The following STARD13 variants were observed in gnomAD, a reference collection of about 807,000 sequenced individuals.
STARD13 encodes the protein stAR-related lipid transfer protein 13.
In STARD13, 62 loss-of-function variants were observed where a neutral mutation model predicts 106.4. That is an observed-to-expected ratio of 0.58 (90% CI 0.48 to 0.72). STARD13 has a LOEUF of 0.72. Ranked by LOEUF, STARD13 falls within the 30% of genes least tolerant of loss-of-function variation. The pLI, the probability that STARD13 is intolerant of heterozygous loss-of-function variation, is 0.00. For synonymous variants in STARD13, 565 were observed against 553.0 expected (o/e 1.02, Z -0.31); for missense variants, 1,387 against 1,424.0 (o/e 0.97, Z 0.42).
At chr13:33,499,645 T>C in the STARD13 span, among the ~76,000 whole-genome samples, 10 of 131,178 alleles carry the variant, frequency 7.6e-5, no homozygotes, top group South Asian at 2.3e-4. Flanking sequence ...TTCTTCTTCT[T>C]CTCCTTCTTC....
chr13:33,160,858 G>A (rs1037085753), intron 3 of STARD13, among the ~76,000 whole-genome samples: 1 of 152,148 alleles, frequency 6.6e-6, no homozygotes, highest in Non-Finnish European at 1.5e-5. Flanking sequence ...AAAATTTGGT[G>A]GTTAATTATA....
chr13:33,433,612 A>T, the STARD13 span, among the ~76,000 whole-genome samples: 1 of 152,194 alleles, frequency 6.6e-6, no homozygotes, highest in African/African-American at 2.4e-5. Context: ...TAAAACAGAG[A>T]TCAGACCTCT....
chr13:33,389,575 C>T, the STARD13 span, among the ~76,000 whole-genome samples: 17 of 152,012 alleles, frequency 1.1e-4, no homozygotes, highest in Admixed American at 8.5e-4. Flanking sequence ...TTTTTTCTAT[C>T]GTAAACTACA....
At chr13:33,407,463 T>G in the STARD13 span, among the ~76,000 whole-genome samples, 2 of 152,224 alleles carry the variant, frequency 1.3e-5, no homozygotes, top group Admixed American at 6.5e-5. Flanking sequence ...TTTTGCATTT[T>G]GGGTTTTGGC....
the STARD13 span, among the ~76,000 whole-genome samples, chr13:33,511,687 G>GT: frequency 0.012 from 1,794 of 152,246 alleles, 36 homozygotes; most frequent in African/African-American, 0.039. Flanking sequence ...CCTAGGCGGA[G>GT]TCTCCCCACT....
chr13:33,313,248 A>C (rs1893209266), intron 1 of STARD13, among the ~76,000 whole-genome samples: 1 of 152,326 alleles, frequency 6.6e-6, no homozygotes, highest in South Asian at 2.1e-4. Flanking sequence ...AATGAAAAAA[A>C]TGTGTTATCC....
At chr13:33,661,770 T>C in the STARD13 span, among the ~76,000 whole-genome samples, 1 of 152,074 alleles carries the variant, frequency 6.6e-6, no homozygotes, top group Non-Finnish European at 1.5e-5. Flanking sequence ...ATGGGGATTG[T>C]TACAATTCAA....
At chr13:33,439,679 A>G in the STARD13 span, 4 of 1,257,562 alleles carry the variant, frequency 3.2e-6, no homozygotes, top group Non-Finnish European at 4.2e-6. Context: ...ACATTTTCTC[A>G]GGGAGACTTA....
At chr13:33,359,468 G>A in the STARD13 span, 726 of 177,262 alleles carry the variant, frequency 4.1e-3, 4 homozygotes, top group African/African-American at 0.017. Flanking sequence ...CACTCACCGC[G>A]AGGGTCCACG....
At chr13:33,125,884 T>C (rs1201999944) in intron 7 of STARD13, among the ~76,000 whole-genome samples, 197 bp downstream of exon 7, 2 of 152,186 alleles carry the variant, frequency 1.3e-5, no homozygotes, top group Non-Finnish European at 2.9e-5. Context: ...TCATTTAAGT[T>C]GCCAATGAGG....
At chr13:33,620,700 A>G in the STARD13 span, among the ~76,000 whole-genome samples, 1 of 151,418 alleles carries the variant, frequency 6.6e-6, no homozygotes, top group Non-Finnish European at 1.5e-5. Context: ...ATGACAATAA[A>G]ATATATAAAT....
At chr13:33,529,250 T>G in the STARD13 span, among the ~76,000 whole-genome samples, 156 of 152,294 alleles carry the variant, frequency 1.0e-3, 1 homozygote, top group African/African-American at 3.6e-3. Context: ...TGATGTGATC[T>G]GTTGAAGATG....
At chr13:33,351,789 A>G (rs1316695155), upstream of STARD13, among the ~76,000 whole-genome samples, 1 of 152,238 alleles carries the variant, frequency 6.6e-6, no homozygotes, top group African/African-American at 2.4e-5. Flanking sequence ...CAGGTGCTCC[A>G]CAGGAAGTTT....
the STARD13 span, among the ~76,000 whole-genome samples, chr13:33,435,966 C>T: frequency 6.6e-6 from 1 of 152,130 alleles, no homozygotes; most frequent in East Asian, 1.9e-4. Flanking sequence ...TTGGCTAGTA[C>T]TTTTGATTTC....
intron 1 of STARD13, among the ~76,000 whole-genome samples, chr13:33,305,616 C>G (rs1209134255): frequency 1.3e-5 from 2 of 152,180 alleles, no homozygotes; most frequent in African/African-American, 4.8e-5. Context: ...CATATTAAAG[C>G]ACAGGGTTCT....
the STARD13 span, among the ~76,000 whole-genome samples, chr13:33,373,575 C>T: frequency 6.6e-6 from 1 of 151,928 alleles, no homozygotes; most frequent in East Asian, 1.9e-4. Flanking sequence ...ATATTCAGCA[C>T]ATATAAAGAA....
At chr13:33,623,652 T>A in the STARD13 span, among the ~76,000 whole-genome samples, 3 of 152,158 alleles carry the variant, frequency 2.0e-5, no homozygotes, top group Non-Finnish European at 2.9e-5. Context: ...TACCTGTCTA[T>A]ATACTAAAAA....
intron 1 of STARD13, among the ~76,000 whole-genome samples, chr13:33,257,670 T>A (rs1890433046): frequency 6.6e-6 from 1 of 152,212 alleles, no homozygotes; most frequent in Non-Finnish European, 1.5e-5. Context: ...TCAGGAATTA[T>A]TTTACCCTTA....
chr13:33,269,610 A>C (rs186880144), intron 1 of STARD13, among the ~76,000 whole-genome samples: 3 of 152,346 alleles, frequency 2.0e-5, no homozygotes, highest in Non-Finnish European at 2.9e-5. Flanking sequence ...TAACTTTGAA[A>C]GCTATGACTT....
Sources: allele counts gnomAD v4.1 joint callset (sites outside exome capture counted in the v4.1 genomes callset), GRCh38; gene constraint gnomAD v4.1.1; transcripts MANE v1.5; gene names NCBI Gene and HGNC (gene_info 2026-07-23, HGNC 2026-07-21).